SUMF1: variants seen among roughly 807,000 people sequenced by gnomAD.
SUMF1 encodes formylglycine-generating enzyme.
In SUMF1, 48 loss-of-function variants were observed where a neutral mutation model predicts 47.6. That is an observed-to-expected ratio of 1.01 (90% CI 0.80 to 1.28). SUMF1 has a LOEUF of 1.28. Among genes scored for constraint, SUMF1 ranks in the 50% most tolerant of loss-of-function variants. The pLI is 0.00. For missense variants in SUMF1, 571 were observed against 485.4 expected (o/e 1.18, Z -1.66); for synonymous variants, 230 against 192.1 (o/e 1.20, Z -1.63).
intron 7 of SUMF1, among the ~76,000 whole-genome samples, chr3:4,384,333 T>C (rs1055363064): frequency 6.6e-6 from 1 of 152,220 alleles, no homozygotes; most frequent in African/African-American, 2.4e-5. Flanking sequence ...GTACTCTATA[T>C]CCAGTTTTCC....
intron 8 of SUMF1, among the ~76,000 whole-genome samples, chr3:4,273,275 G>A (rs1575042398): frequency 6.6e-6 from 1 of 151,982 alleles, no homozygotes; most frequent in Non-Finnish European, 1.5e-5. Context: ...AACATTCCAA[G>A]TTCTATCAAT....
chr3:4,389,182 G>C lies in SUMF1; in HGVS notation c.955-12793C>G, dbSNP rs189646054. On this transcript the variant is annotated intron_variant, in intron 7 of 8. Transcript: ENST00000272902. ...ATTCTCTCAGTCTGCCTTTATCTGAGAATATCTTGATTTCTCCTTATTCCA... is the reference window on the plus strand; with the variant it reads ...ATTCTCTCAGTCTGCCTTTATCTGACAATATCTTGATTTCTCCTTATTCCA... Among the ~76,000 whole-genome samples the C allele has an allele frequency of 2.6e-4, 39 of 152,246 alleles. 1 individual carries two copies. Among genetic ancestry groups the C allele is most frequent in the Admixed American group, 2.2e-3 (34 of 15,286 alleles).
chr3:4,267,249 T>C (rs1697214508), intron 8 of SUMF1, among the ~76,000 whole-genome samples: 2 of 152,204 alleles, frequency 1.3e-5, no homozygotes, highest in African/African-American at 4.8e-5. Context: ...TAAAATGAGT[T>C]AGGGAGGTTT....
chr3:4,288,491 G>A (rs895567460), intron 8 of SUMF1, among the ~76,000 whole-genome samples: 37 of 152,220 alleles, frequency 2.4e-4, no homozygotes, highest in African/African-American at 8.7e-4. Context: ...CTCTACAGTG[G>A]TATGAAAAAT....
At chr3:4,401,413 T>A (rs1424408130) in intron 7 of SUMF1, among the ~76,000 whole-genome samples, 1 of 152,204 alleles carries the variant, frequency 6.6e-6, no homozygotes. Context: ...ATGGTTGAAC[T>A]AGTTTACACT....
At chr3:4,333,319 A>G (rs946963361) in intron 8 of SUMF1, among the ~76,000 whole-genome samples, 17 of 152,146 alleles carry the variant, frequency 1.1e-4, no homozygotes, top group African/African-American at 4.1e-4. Context: ...TCCCCCTCCC[A>G]TAAGGGGGCT....
chr3:4,367,039 G>T (rs1321672849), intron 8 of SUMF1, among the ~76,000 whole-genome samples: 1 of 152,142 alleles, frequency 6.6e-6, no homozygotes, highest in South Asian at 2.1e-4. Flanking sequence ...GCAGATTTTT[G>T]TGAACCGCGA....
intron 8 of SUMF1, among the ~76,000 whole-genome samples, chr3:4,304,801 A>G (rs1698118641): frequency 6.6e-6 from 1 of 152,164 alleles, no homozygotes; most frequent in African/African-American, 2.4e-5. Context: ...TCTGAGCCAA[A>G]TATGAGTGAC....
At chr3:4,095,328 G>A (rs1452067296) in intron 8 of SUMF1, among the ~76,000 whole-genome samples, 1 of 152,082 alleles carries the variant, frequency 6.6e-6, no homozygotes, top group Non-Finnish European at 1.5e-5. Flanking sequence ...GGATTATTGT[G>A]CAACTCATCT....
intron 8 of SUMF1, among the ~76,000 whole-genome samples, chr3:4,202,310 T>G (rs541991418): frequency 2.4e-4 from 37 of 152,076 alleles, no homozygotes; most frequent in Non-Finnish European, 5.0e-4. Flanking sequence ...CTCATTTCAT[T>G]TTTCTGCATA....
At chr3:4,369,382 G>A (rs79337037) in intron 8 of SUMF1, among the ~76,000 whole-genome samples, 1,530 of 152,308 alleles carry the variant, frequency 0.01, 27 homozygotes, top group African/African-American at 0.034. Flanking sequence ...AGGTGACCAT[G>A]CAGGAAGACA....
intron 8 of SUMF1, among the ~76,000 whole-genome samples, chr3:4,363,987 G>A (rs1308852134): frequency 7.1e-6 from 1 of 140,868 alleles, no homozygotes; most frequent in Non-Finnish European, 1.5e-5. Flanking sequence ...ATAATCATGT[G>A]GTTTTTGTCT....
intron 8 of SUMF1, among the ~76,000 whole-genome samples, chr3:4,139,663 T>C (rs1694029568): frequency 1.3e-5 from 2 of 151,824 alleles, no homozygotes; most frequent in African/African-American, 2.4e-5. Context: ...ATTTTAGTGT[T>C]ATCTTCCTGC....
chr3:4,036,241 T>C (rs576810469), intron 9 of SUMF1, among the ~76,000 whole-genome samples: 6 of 152,296 alleles, frequency 3.9e-5, no homozygotes, highest in East Asian at 1.9e-4. Flanking sequence ...TATGAGAAAG[T>C]AGTCATTCAC....
intron 8 of SUMF1, among the ~76,000 whole-genome samples, chr3:4,136,775 G>GA (rs1276729156): frequency 3.9e-4 from 59 of 149,912 alleles, no homozygotes; most frequent in African/African-American, 1.3e-3. Context: ...AAATTTACAA[G>GA]AAAAAAACAA....
At chr3:4,117,681 T>G (rs1693453090) in intron 8 of SUMF1, among the ~76,000 whole-genome samples, 1 of 152,042 alleles carries the variant, frequency 6.6e-6, no homozygotes, top group African/African-American at 2.4e-5. Flanking sequence ...AGGTAAGAAT[T>G]CCCTGAGAAA....
intron 8 of SUMF1, among the ~76,000 whole-genome samples, chr3:4,201,967 A>G (rs900689597): frequency 2.0e-5 from 3 of 151,792 alleles, no homozygotes; most frequent in African/African-American, 7.2e-5. Context: ...TTTTTTTCCT[A>G]TTGAGTTGTT....
rs1225993664 is a variant in SUMF1 at position 4,467,233 on chromosome 3, C to G, written c.13G>C (p.Ala5Pro). 6.2e-7 allele frequency: 1 copy of G among 1,609,238 alleles called. No homozygotes were observed. Among genetic ancestry groups the G allele is most frequent in the Non-Finnish European group, 8.5e-7 (1 of 1,178,282 alleles). Residue 5 changes from alanine (A) to proline (P), a missense_variant, in exon 1 of 9, where the codon GCA becomes CCA. Ala to Pro is a conservative substitution (Grantham distance 27, BLOSUM62 -1). Transcript: ENST00000272902. The stretch of plus-strand genomic sequence containing the variant: ...CAACGTCCACACACCAGCCCTAGTG[C>G]GGGCGCAGCCATGTTGTCCCGCGGG... The part of the protein sequence containing the change: MAAP[A>P]LGLVCGRCPE...
chr3:4,185,785 C>G (rs1359919238), intron 8 of SUMF1, among the ~76,000 whole-genome samples: 2 of 152,148 alleles, frequency 1.3e-5, no homozygotes, highest in African/African-American at 2.4e-5. Flanking sequence ...ACATGGGTAA[C>G]TGCAGACACA....
Sources: gnomAD v4.1 joint callset for allele counts (sites outside exome capture counted in the v4.1 genomes callset) on GRCh38, gnomAD v4.1.1 for gene constraint, MANE v1.5 for transcripts, NCBI Gene and HGNC (gene_info 2026-07-23, HGNC 2026-07-21) for gene names.